CFAP74: variants seen among roughly 807,000 people sequenced by gnomAD.
CFAP74 encodes the protein cilia- and flagella-associated protein 74.
Under a neutral mutation model 188.9 loss-of-function variants are expected in CFAP74, and 124 were observed. The ratio of observed to expected loss-of-function variants is 0.66; its 90% CI spans 0.57 to 0.76. The LOEUF is 0.76. CFAP74 is among the 30% of genes least tolerant of loss of function. The pLI, the probability that CFAP74 is intolerant of heterozygous loss-of-function variation, is 0.00. For missense variants in CFAP74, 2,198 were observed against 2,165.2 expected, an observed-to-expected ratio of 1.02 and a Z score of -0.30; for synonymous variants, 956 against 916.7, an observed-to-expected ratio of 1.04 and a Z score of -0.77.
intron 1 of CFAP74, among the ~76,000 whole-genome samples, chr1:1,991,224 C>G (rs981732446): frequency 6.6e-6 from 1 of 152,118 alleles, no homozygotes; most frequent in Non-Finnish European, 1.5e-5. Context: ...GCCTGTAATC[C>G]CAGCACTTTG....
chr1:1,939,502 C>T (rs951922431), intron 24 of CFAP74, 92 bp downstream of exon 24: 27 of 1,283,454 alleles, frequency 2.1e-5, no homozygotes, highest in East Asian at 1.3e-4. Context: ...CATGCCCACG[C>T]GTGGGGGACC....
At position 1,963,880 on chromosome 1, in the gene CFAP74, G is replaced by A. The variant is rs773858882; in HGVS notation, c.1576-13C>T. The A allele has an allele frequency of 8.3e-6, 13 of 1,564,182 alleles. No individual in the cohort carries two copies. The African/African-American group carries it at 1.2e-4, about 15-fold the overall frequency. ...CAATATCAAAGTCCTGGGAAAGGCC[G>A]AGGTAGCAGCTTCAGAGCGGGTCAC... On this transcript the variant is annotated splice_polypyrimidine_tract_variant and intron_variant, in intron 13 of 38. Transcript: ENST00000682832.
At chr1:1,937,787 G>A (rs1653000615) in intron 25 of CFAP74, among the ~76,000 whole-genome samples, 1 of 144,840 alleles carries the variant, frequency 6.9e-6, no homozygotes, top group South Asian at 2.3e-4. Flanking sequence ...CAGGCTCAGG[G>A]AGGTGCAGAG....
intron 33 of CFAP74, 135 bp downstream of exon 33, chr1:1,925,648 G>A (rs750205805): frequency 4.5e-6 from 4 of 887,764 alleles, no homozygotes; most frequent in Non-Finnish European, 6.7e-6. Flanking sequence ...GTGTAGAGGA[G>A]GGGTAGAGGG....
At chr1:1,972,116 T>G in intron 8 of CFAP74, 34 bp from the exon 9 acceptor site, 25 of 1,495,084 alleles carry the variant, frequency 1.7e-5, no homozygotes, top group Non-Finnish European at 2.1e-5. Context: ...TTTGAGGCTC[T>G]GTCGCCCAGG....
At chr1:1,932,840 C>T (rs1652524413) in intron 25 of CFAP74, among the ~76,000 whole-genome samples, 2 of 151,340 alleles carry the variant, frequency 1.3e-5, no homozygotes, top group Admixed American at 1.3e-4. Context: ...GATCTGCCCG[C>T]CTCGGCCTCC....
intron 28 of CFAP74, 140 bp from the exon 29 acceptor site, chr1:1,927,168 G>T: frequency 1.0e-6 from 1 of 996,628 alleles, no homozygotes; most frequent in Non-Finnish European, 1.4e-6. Context: ...CTGACAAACT[G>T]GCTTTTCCAC....
rs891404967 is a variant in CFAP74 at position 1,925,819 on chromosome 1, A to G, written c.4068T>C (p.Tyr1356=). The G allele has an allele frequency of 3.7e-6, 6 of 1,612,526 alleles. No individual in the cohort carries two copies. Among genetic ancestry groups the G allele is most frequent in the Non-Finnish European group, 5.1e-6 (6 of 1,179,890 alleles). Residue 1356 remains tyrosine (Y), a synonymous_variant, in exon 33 of 39, where the codon TAT becomes TAC. Coordinates refer to ENST00000682832, the MANE Select transcript of CFAP74 (RefSeq NM_001304360.2). The part of the protein sequence containing the change: ...SIEGSVLNMG[Y]VIAGESVSSG... ...AGGACACAGACTCTCCGGCAATCAC[A>G]TAGCCCATGTTGAGGACGCTGCCTT...
chr1:1,963,039 G>A (rs1240442217), intron 14 of CFAP74, among the ~76,000 whole-genome samples: 1 of 152,192 alleles, frequency 6.6e-6, no homozygotes, highest in African/African-American at 2.4e-5. Flanking sequence ...TGAAAGCACG[G>A]CCTTAATTCA....
chr1:1,960,448 T>C (rs1655002532), intron 14 of CFAP74, among the ~76,000 whole-genome samples: 1 of 152,216 alleles, frequency 6.6e-6, no homozygotes, highest in Non-Finnish European at 1.5e-5. Context: ...GAGCTGGAAC[T>C]GGGAGTCCTG....
chr1:1,986,858 G>A (rs942745747), intron 5 of CFAP74, 79 bp downstream of exon 5: 112 of 1,210,866 alleles, frequency 9.2e-5, no homozygotes, highest in Middle Eastern at 2.5e-4. Context: ...GGTGCTTCAC[G>A]CCTCACTTTG....
chr1:1,981,730 G>A (rs1185967314), intron 6 of CFAP74, among the ~76,000 whole-genome samples: 1 of 138,798 alleles, frequency 7.2e-6, no homozygotes, highest in East Asian at 2.2e-4. Context: ...GGACAGACAC[G>A]GGGGCACGCA....
rs1292442593 is a variant in CFAP74, at chr1:1,990,870, T to G, written c.67+20A>C. ...GTCTTTTTGCTGAAACTTCCGTTAC[T>G]GTGAAAGAAGCTTTATTACCATCTT... is the stretch of plus-strand genomic sequence containing the variant. On this transcript the variant is annotated intron_variant, in intron 2 of 38. Coordinates refer to ENST00000682832, the MANE Select transcript of CFAP74 (RefSeq NM_001304360.2). The G allele has an allele frequency of 1.2e-6, 2 of 1,601,112 alleles. No homozygotes were observed. The highest frequency in any genetic ancestry group is 4.5e-5 in the East Asian group (2 of 44,798).
rs1655687230 is a variant in CFAP74, at chr1:1,968,976, G to T, written c.1047-143C>A. On this transcript the variant is annotated intron_variant, in intron 10 of 38. Transcript: ENST00000682832. This position sits in a 1 kb window ranked among gnomAD's most constrained non-coding sequence, Gnocchi z 4.3. ...AGCAGCCCCAGGTGAGACAGCGCCT[G>T]GCGGCCCCTCCCTAGCTCCCTCCTG... 1 of 415,594 alleles carries T rather than the reference G, an allele frequency of 2.4e-6. No individual in the cohort carries two copies. Among genetic ancestry groups the T allele is most frequent in the Non-Finnish European group, 4.2e-6 (1 of 239,744 alleles). The allele number at this position is 415,594 out of a possible 1,614,324, so 25.7% of individuals were successfully genotyped here. A position where few individuals can be genotyped will look rare whatever the true frequency, so the allele number is the denominator to read the frequency against.
intron 14 of CFAP74, among the ~76,000 whole-genome samples, chr1:1,960,339 C>T (rs1283885970): frequency 1.3e-5 from 2 of 152,248 alleles, no homozygotes; most frequent in South Asian, 2.1e-4. Flanking sequence ...TCGGAGAGGG[C>T]CACAGTTCCC....
chr1:1,993,189 A>C (rs1657695469), intron 1 of CFAP74, among the ~76,000 whole-genome samples: 1 of 138,150 alleles, frequency 7.2e-6, no homozygotes, highest in African/African-American at 2.8e-5. Flanking sequence ...CGACAGGGGA[A>C]GACTGTCTCA....
chr1:1,976,154 G>T (rs187596048), intron 6 of CFAP74, among the ~76,000 whole-genome samples: 112 of 152,304 alleles, frequency 7.4e-4, no homozygotes, highest in African/African-American at 2.6e-3. Context: ...GGGCCCCCAT[G>T]GCCGAATCTC....
chr1:1,932,162 T>G (rs1652458577), intron 25 of CFAP74, among the ~76,000 whole-genome samples: 1 of 149,966 alleles, frequency 6.7e-6, no homozygotes, highest in Non-Finnish European at 1.5e-5. Flanking sequence ...TTTGGGAGGC[T>G]GAGGCGGGCA....
chr1:1,927,933 C>A, intron 27 of CFAP74, 187 bp from the exon 28 acceptor site: 1 of 611,064 alleles, frequency 1.6e-6, no homozygotes, highest in Non-Finnish European at 2.8e-6. Context: ...CAGACCCCCA[C>A]AGAGCTGCTC....
Sources: gnomAD v4.1 joint callset for allele counts (sites outside exome capture counted in the v4.1 genomes callset) on GRCh38, gnomAD v4.1.1 for gene constraint, Gnocchi (gnomAD v3.1) non-coding constraint, MANE v1.5 for transcripts, NCBI Gene and HGNC (gene_info 2026-07-23, HGNC 2026-07-21) for gene names.